Variants in CSMD3 observed in about 807,000 individuals in gnomAD.
CSMD3 encodes the protein CUB and Sushi multiple domains 3.
Under a neutral mutation model 435.2 loss-of-function variants are expected in CSMD3, and 177 were observed. The ratio of observed to expected loss-of-function variants is 0.41; its 90% CI spans 0.36 to 0.46. CSMD3 has a LOEUF of 0.46. Ranked by LOEUF, CSMD3 falls within the 20% of genes least tolerant of loss-of-function variation. The probability of loss-of-function intolerance (pLI) is 0.34; values close to 1 mark genes in which losing one functional copy is unlikely to be tolerated. For missense variants in CSMD3, 4,265 were observed against 4,504.6 expected (o/e 0.95, Z 1.52); for synonymous variants, 1,656 against 1,520.5 (o/e 1.09, Z -2.07).
intron 1 of CSMD3, among the ~76,000 whole-genome samples, chr8:113,358,026 T>C (rs921868551): frequency 1.3e-5 from 2 of 152,208 alleles, no homozygotes; most frequent in Non-Finnish European, 2.9e-5. Context: ...AGTATGCATA[T>C]TAAGTGTCTA....
chr8:112,610,346 A>C (rs75303461), intron 22 of CSMD3, among the ~76,000 whole-genome samples: 3 of 150,168 alleles, frequency 2.0e-5, no homozygotes, highest in Admixed American at 6.6e-5. Flanking sequence ...AAAAAAAAAA[A>C]CCCACAATGT....
intron 10 of CSMD3, among the ~76,000 whole-genome samples, chr8:112,888,406 C>T (rs924420727): frequency 6.6e-6 from 1 of 151,626 alleles, no homozygotes; most frequent in African/African-American, 2.4e-5. Context: ...CTGTCTTAGA[C>T]TACGTTACTC....
intron 1 of CSMD3, among the ~76,000 whole-genome samples, chr8:113,364,407 C>T (rs899804993): frequency 1.2e-4 from 18 of 151,682 alleles, no homozygotes; most frequent in Admixed American, 7.9e-4. Context: ...TTAAAAAGAA[C>T]ACTTGAAAAG....
Position 112,306,190 on chromosome 8 carries a change from T to C in CSMD3, c.7888A>G (p.Ile2630Val), listed in dbSNP as rs772258781. ...GGAGCTTTAGGAATCCCACAGGAAA[T>C]TGCTAGAAAAACATACACACAAGCA... ...WDAPVPACQA[I>V]SCGIPKAPTN... Residue 2630 changes from isoleucine to valine, a missense_variant and splice_region_variant, in exon 51 of 71, where the codon ATT becomes GTT. By Grantham distance (29) the Ile-to-Val change is conservative. Around this residue, in one of 3 missense-constraint regions of CSMD3, gnomAD observed 3,255 missense variants for 3,380.2 expected, o/e 0.96. Coordinates refer to ENST00000297405, the MANE Select transcript of CSMD3 (RefSeq NM_198123.2). 1.2e-6 allele frequency: 2 copies of C among 1,612,676 alleles called. No homozygotes were observed. Among genetic ancestry groups the C allele is most frequent in the South Asian group, 1.1e-5 (1 of 91,062 alleles).
At chr8:113,019,271 T>G in intron 5 of CSMD3, 92 bp from the exon 6 acceptor site, 2 of 799,206 alleles carry the variant, frequency 2.5e-6, no homozygotes, top group Non-Finnish European at 4.5e-6. Context: ...TGTCCAACTA[T>G]ATTCATGACT....
intron 23 of CSMD3, among the ~76,000 whole-genome samples, chr8:112,575,060 T>C (rs1829833496): frequency 6.6e-6 from 1 of 151,988 alleles, no homozygotes; most frequent in Non-Finnish European, 1.5e-5. Context: ...GATTGTTGGT[T>C]TTAAACCGAT....
intron 1 of CSMD3, among the ~76,000 whole-genome samples, chr8:113,339,322 C>T (rs936565906): frequency 2.6e-5 from 4 of 151,760 alleles, no homozygotes; most frequent in Admixed American, 1.3e-4. Context: ...ATAAGTACAT[C>T]AAAAATCCCA....
At chr8:112,909,947 C>T (rs2082361969) in intron 10 of CSMD3, among the ~76,000 whole-genome samples, 1 of 151,704 alleles carries the variant, frequency 6.6e-6, no homozygotes, top group Non-Finnish European at 1.5e-5. Flanking sequence ...TCCACTTTGC[C>T]ACTCTGTAGA....
intron 1 of CSMD3, among the ~76,000 whole-genome samples, chr8:113,329,959 A>C (rs1353571584): frequency 6.6e-6 from 1 of 152,144 alleles, no homozygotes; most frequent in African/African-American, 2.4e-5. Context: ...CTTTGGGCTG[A>C]AATGGAAAAG....
intron 65 of CSMD3, 67 bp from the exon 66 acceptor site, chr8:112,241,852 A>G: frequency 1.2e-6 from 1 of 836,756 alleles, no homozygotes; most frequent in South Asian, 1.3e-5. Context: ...GCGCACACAC[A>G]CACACGCACA....
intron 22 of CSMD3, among the ~76,000 whole-genome samples, chr8:112,590,775 G>A (rs1256434104): frequency 6.6e-6 from 1 of 151,996 alleles, no homozygotes; most frequent in African/African-American, 2.4e-5. Flanking sequence ...GGGTTTAGGG[G>A]TTGCAATGTT....
At chr8:112,385,094 A>C (rs956314003) in intron 36 of CSMD3, among the ~76,000 whole-genome samples, 2 of 152,186 alleles carry the variant, frequency 1.3e-5, no homozygotes, top group Non-Finnish European at 2.9e-5. Flanking sequence ...ATAAGAATAA[A>C]TATACATGAA....
rs770578505 is a variant in CSMD3, at chr8:112,390,607, CTGAAAAGATTAACTACACACATACAA to C, written c.5934+31_5934+56del. The stretch of plus-strand genomic sequence containing the variant: ...AGAAATAATGTTCATTCTGTCATCT[CTGAAAAGATTAACTACACACATACAA>C]TGAAAAGAAGAAAAACTTAAATATT... On this transcript the variant is annotated intron_variant, in intron 36 of 70. Coordinates refer to ENST00000297405, the MANE Select transcript of CSMD3 (RefSeq NM_198123.2). 1.5e-3 allele frequency: 2,102 copies of C among 1,421,362 alleles called. 2 individuals carry two copies. The highest frequency in any genetic ancestry group is 1.7e-3 in the Non-Finnish European group (1,727 of 1,005,450). 88.0% of individuals were successfully genotyped at this position (1,421,362 alleles called of 1,614,324 possible).
chr8:113,186,549 C>A (rs2092505267), intron 3 of CSMD3, among the ~76,000 whole-genome samples: 1 of 152,026 alleles, frequency 6.6e-6, no homozygotes, highest in Non-Finnish European at 1.5e-5. Flanking sequence ...CAGCTCCTCA[C>A]ACAGTTCCAG....
At chr8:112,338,147 C>T (rs188556572) in intron 42 of CSMD3, among the ~76,000 whole-genome samples, 83 of 152,282 alleles carry the variant, frequency 5.5e-4, no homozygotes, top group Non-Finnish European at 9.1e-4. Context: ...AGCCTTTTTA[C>T]AGTTTGTTTT....
chr8:113,409,049 A>G (rs527702614), intron 1 of CSMD3, among the ~76,000 whole-genome samples: 2 of 147,354 alleles, frequency 1.4e-5, no homozygotes, highest in South Asian at 4.3e-4. Context: ...AACCATTCCC[A>G]CAATAAGACT....
intron 38 of CSMD3, among the ~76,000 whole-genome samples, chr8:112,360,360 G>A (rs1827068344): frequency 6.6e-6 from 1 of 151,882 alleles, no homozygotes; most frequent in Non-Finnish European, 1.5e-5. Context: ...TGAGGTAGCT[G>A]AATACTGAGA....
intron 22 of CSMD3, among the ~76,000 whole-genome samples, chr8:112,592,109 A>T (rs932275069): frequency 6.6e-6 from 1 of 151,968 alleles, no homozygotes. Flanking sequence ...TTCTCCTAAG[A>T]TGCCTTCTCA....
At chr8:112,580,215 G>A (rs919961833) in intron 23 of CSMD3, among the ~76,000 whole-genome samples, 2 of 151,976 alleles carry the variant, frequency 1.3e-5, no homozygotes, top group Non-Finnish European at 2.9e-5. Flanking sequence ...TCTTATGAAT[G>A]TTAATTGAAA....
Sources: allele counts gnomAD v4.1 joint callset (sites outside exome capture counted in the v4.1 genomes callset), GRCh38; gene constraint gnomAD v4.1.1; regional missense constraint gnomAD v4.1.1; transcripts MANE v1.5; gene names NCBI Gene and HGNC (gene_info 2026-07-23, HGNC 2026-07-21).